The following TRAPPC9 variants were observed in gnomAD, a reference collection of about 807,000 sequenced individuals.
TRAPPC9 encodes IKK2 binding protein.
A neutral mutation model predicts 124.0 loss-of-function variants in TRAPPC9; 83 were observed. That is an observed-to-expected ratio of 0.67 (90% CI 0.56 to 0.80). TRAPPC9 has a LOEUF of 0.80. Among genes scored for constraint, TRAPPC9 ranks in the 30% least tolerant of loss-of-function variants. TRAPPC9 has a pLI of 0.00. For missense variants in TRAPPC9, 1,302 were observed against 1,508.3 expected (o/e 0.86, Z 2.27); for synonymous variants, 638 against 617.5 (o/e 1.03, Z -0.49).
At chr8:140,061,846 G>C (rs971820519) in intron 17 of TRAPPC9, among the ~76,000 whole-genome samples, 1 of 152,096 alleles carries the variant, frequency 6.6e-6, no homozygotes, top group Non-Finnish European at 1.5e-5. Context: ...ATGTGCTGGC[G>C]GAACACCTTC....
intron 17 of TRAPPC9, among the ~76,000 whole-genome samples, chr8:140,062,963 A>G (rs1042237103): frequency 6.6e-6 from 1 of 152,258 alleles, no homozygotes; most frequent in East Asian, 1.9e-4. Flanking sequence ...TTGAGAGTTT[A>G]GCATGCCTGG....
chr8:139,759,024 G>A (rs1820043184), intron 21 of TRAPPC9, among the ~76,000 whole-genome samples: 1 of 152,204 alleles, frequency 6.6e-6, no homozygotes, highest in African/African-American at 2.4e-5. Context: ...TCTCTTTCTG[G>A]TCCGCCTCAG....
rs1009298011 is a variant in TRAPPC9, at chr8:139,825,774, C to G, written c.3055+60105G>C. On this transcript the variant is annotated intron_variant, in intron 21 of 22. Coordinates refer to ENST00000438773, the MANE Select transcript of TRAPPC9 (RefSeq NM_001160372.4). This position sits in a 1 kb window ranked among gnomAD's most constrained non-coding sequence, Gnocchi z 4.6. Reference sequence around the variant, plus strand: ...GAAAAAGGGAGGCAATTCCGAAGAGCAGACGAGCCTCCGAGACAACAGCCG... The same window carrying G: ...GAAAAAGGGAGGCAATTCCGAAGAGGAGACGAGCCTCCGAGACAACAGCCG... 2.0e-5 allele frequency among the ~76,000 whole-genome samples: 3 copies of G among 152,066 alleles called. No individual in the cohort carries two copies. The highest frequency in any genetic ancestry group is 2.9e-5 in the Non-Finnish European group (2 of 68,004).
intron 9 of TRAPPC9, among the ~76,000 whole-genome samples, chr8:140,352,433 G>A (rs908423749): frequency 1.4e-4 from 21 of 152,198 alleles, no homozygotes; most frequent in Non-Finnish European, 1.9e-4. Flanking sequence ...AGTCAGATTC[G>A]TGTTGGATAC....
At chr8:139,910,754 C>A (rs1225411520) in intron 19 of TRAPPC9, among the ~76,000 whole-genome samples, 1 of 147,578 alleles carries the variant, frequency 6.8e-6, no homozygotes, top group South Asian at 2.2e-4. Context: ...CCATTTCCTT[C>A]TCAGGCCAGG....
intron 21 of TRAPPC9, among the ~76,000 whole-genome samples, chr8:139,832,761 T>A (rs1167035845): frequency 6.6e-6 from 1 of 152,140 alleles, no homozygotes; most frequent in Admixed American, 6.5e-5. Context: ...CCAAGGTGGA[T>A]GACGTGTCCC....
At chr8:140,053,703 A>C (rs76763300) in intron 17 of TRAPPC9, among the ~76,000 whole-genome samples, 2,140 of 152,168 alleles carry the variant, frequency 0.014, 40 homozygotes, top group African/African-American at 0.049. Context: ...TTCTCCCTTT[A>C]GTCAGTGTTT....
At chr8:140,273,812 C>T (rs1029821553) in intron 15 of TRAPPC9, among the ~76,000 whole-genome samples, 8 of 152,186 alleles carry the variant, frequency 5.3e-5, no homozygotes, top group African/African-American at 1.7e-4. Flanking sequence ...TGCTTTGTTA[C>T]GGGGGGTTGA....
intron 19 of TRAPPC9, among the ~76,000 whole-genome samples, chr8:139,985,111 G>A (rs911830259): frequency 4.6e-5 from 7 of 152,216 alleles, no homozygotes; most frequent in Non-Finnish European, 1.0e-4. Flanking sequence ...AAGAATATTC[G>A]AGTTAGAAGC....
chr8:140,148,264 T>C (rs1364461156), intron 17 of TRAPPC9, among the ~76,000 whole-genome samples: 3 of 152,202 alleles, frequency 2.0e-5, no homozygotes, highest in Admixed American at 6.5e-5. Context: ...CTCTCGGTCG[T>C]TATTCCACAT....
At chr8:140,002,678 T>C (rs904437399) in intron 18 of TRAPPC9, among the ~76,000 whole-genome samples, 1 of 152,086 alleles carries the variant, frequency 6.6e-6, no homozygotes, top group African/African-American at 2.4e-5. Flanking sequence ...AGGACAGCGT[T>C]GTACTGGTGA....
intron 15 of TRAPPC9, among the ~76,000 whole-genome samples, chr8:140,272,343 T>C (rs1284509055): frequency 8.6e-6 from 1 of 116,612 alleles, no homozygotes; most frequent in East Asian, 2.0e-4. Context: ...GTTTTGGTGG[T>C]CACAGTGGAG....
intron 17 of TRAPPC9, among the ~76,000 whole-genome samples, chr8:140,131,995 T>A (rs2061217025): frequency 6.6e-6 from 1 of 152,118 alleles, no homozygotes; most frequent in Non-Finnish European, 1.5e-5. Context: ...AATGAGGACA[T>A]CTCTCACCCC....
intron 21 of TRAPPC9, among the ~76,000 whole-genome samples, chr8:139,879,672 C>G (rs1049068638): frequency 6.6e-6 from 1 of 152,194 alleles, no homozygotes; most frequent in South Asian, 2.1e-4. Context: ...GCCCTGCTGT[C>G]CTACACCAGG....
At chr8:140,374,345 A>T (rs934434018) in intron 7 of TRAPPC9, among the ~76,000 whole-genome samples, 5 of 152,226 alleles carry the variant, frequency 3.3e-5, no homozygotes, top group African/African-American at 1.2e-4. Context: ...CGAGGCAGGC[A>T]GATCACCTGA....
chr8:140,221,695 T>A (rs1050697159), intron 16 of TRAPPC9, 112 bp from the exon 17 acceptor site: 2 of 1,393,944 alleles, frequency 1.4e-6, no homozygotes, highest in Non-Finnish European at 2.0e-6. Flanking sequence ...TGGAGTGCAG[T>A]GGTGCAATCT....
intron 17 of TRAPPC9, among the ~76,000 whole-genome samples, chr8:140,126,872 A>G (rs2061108427): frequency 6.6e-6 from 1 of 152,200 alleles, no homozygotes; most frequent in South Asian, 2.1e-4. Flanking sequence ...ACGACACTGA[A>G]CACATCACTA....
At position 140,360,151 on chromosome 8, in the gene TRAPPC9, T is replaced by C. The variant is rs2067902704; in HGVS notation, c.1394A>G (p.His465Arg). The part of the protein sequence containing the change: ...GWAAVQMRLL[H>R]ELVYASRRMG... ...CCTTCGGGAGGCGTAGACCAATTCA[T>C]GGAGCAAACGCATCTGGACCGCAGC... Residue 465 changes from histidine to arginine, a missense_variant, in exon 9 of 23, where the codon CAT becomes CGT. Coordinates refer to ENST00000438773, the MANE Select transcript of TRAPPC9 (RefSeq NM_001160372.4). The C allele has an allele frequency of 1.2e-6, 2 of 1,614,096 alleles. No individual in the cohort carries two copies. The highest frequency in any genetic ancestry group is 1.7e-6 in the Non-Finnish European group (2 of 1,180,050).
intron 11 of TRAPPC9, among the ~76,000 whole-genome samples, chr8:140,293,609 G>A (rs1320598264): frequency 2.0e-5 from 3 of 151,894 alleles, no homozygotes; most frequent in Non-Finnish European, 2.9e-5. Flanking sequence ...GTAAACTATC[G>A]CAAAAACAAA....
Sources: gnomAD v4.1 joint callset for allele counts (sites outside exome capture counted in the v4.1 genomes callset) on GRCh38, gnomAD v4.1.1 for gene constraint, Gnocchi (gnomAD v3.1) non-coding constraint, MANE v1.5 for transcripts, NCBI Gene and HGNC (gene_info 2026-07-23, HGNC 2026-07-21) for gene names.